POU2F2: variants seen among roughly 807,000 people sequenced by gnomAD.
POU2F2 encodes the protein POU class 2 homeobox 2, also known as POU domain, class 2, transcription factor 2.
A neutral mutation model predicts 63.5 loss-of-function variants in POU2F2; 14 were observed. The ratio of observed to expected loss-of-function variants is 0.22; its 90% CI spans 0.15 to 0.34. The LOEUF (loss-of-function observed/expected upper bound fraction) is 0.34, where lower values mean the gene tolerates loss of function less well. Among genes scored for constraint, POU2F2 ranks in the 10% least tolerant of loss-of-function variants. The pLI is 1.00. For missense variants in POU2F2, 607 were observed against 815.2 expected, an observed-to-expected ratio of 0.74 and a Z score of 3.11; for synonymous variants, 306 against 348.6, an observed-to-expected ratio of 0.88 and a Z score of 1.36.
intron 1 of POU2F2, among the ~76,000 whole-genome samples, chr19:42,167,662 C>G (rs749274040): frequency 1.9e-4 from 29 of 152,150 alleles, no homozygotes; most frequent in Admixed American, 8.5e-4. Context: ...AATAGACAGA[C>G]AGGCGCTAGC....
rs1262132544 is a variant in POU2F2 at position 42,153,101 on chromosome 19, GCA to G, written c.-9+7229_-9+7230del. On this transcript the variant is annotated intron_variant, in intron 2 of 6. Transcript: ENST00000524801. The surrounding 1 kb of genome is among the most constrained non-coding windows in gnomAD (Gnocchi z 5.6). ...TTGGCCTCACCCCAGGGTCTGGCCT[GCA>G]CATGTGTGGTTGGGGTGGGAAGCTT... is the stretch of plus-strand genomic sequence containing the variant. Among the ~76,000 whole-genome samples, 1 of 152,232 alleles carries G rather than the reference GCA, an allele frequency of 6.6e-6. No homozygotes were observed. Among genetic ancestry groups the G allele is most frequent in the Non-Finnish European group, 1.5e-5 (1 of 68,030 alleles).
In POU2F2 at chr19:42,122,551, C is replaced by G. The variant is rs1480737015; in HGVS notation, c.54G>C (p.Glu18Asp). The G allele has an allele frequency of 6.2e-7, 1 of 1,602,600 alleles. No homozygotes were observed. Among genetic ancestry groups the G allele is most frequent in the East Asian group, 2.2e-5 (1 of 44,700 alleles). The stretch of plus-strand genomic sequence containing the variant: ...GGGAGTCCAGACCTTGCTTCTCGGC[C>G]TCCAGGGGCTTAGACATTCTTATTT... ...APEIRMSKPL[E>D]AEKQGLDSPS... The change falls in exon 2 of 15, where the codon GAG (glutamate) becomes GAC (aspartate). Residue 18 changes from glutamate to aspartate, a missense_variant. Physicochemically the swap from Glu to Asp is conservative, Grantham distance 45 (BLOSUM62 2). Coordinates refer to ENST00000692977, the MANE Select transcript of POU2F2 (RefSeq NM_001394376.1).
chr19:42,156,765 C>CG lies in POU2F2; in HGVS notation c.-9+3566_-9+3567insC, dbSNP rs1020199315. On this transcript the variant is annotated intron_variant, in intron 2 of 6. Transcript: ENST00000524801. This position sits in a 1 kb window ranked among gnomAD's most constrained non-coding sequence, Gnocchi z 4.1. ...GCGCCTCCCATCCCAGGGCAGCCCCCCCGCCATACCTACACTCTTGGCCAT... is the reference window on the plus strand; with the variant it reads ...GCGCCTCCCATCCCAGGGCAGCCCCCGCCGCCATACCTACACTCTTGGCCAT... The CG allele has an allele frequency of 6.6e-6, 1 of 152,260 alleles. No individual in the cohort carries two copies. The highest frequency in any genetic ancestry group is 1.5e-5 in the Non-Finnish European group (1 of 68,088). 9.4% of individuals were successfully genotyped at this position (152,260 alleles called of 1,614,324 possible). A position where few individuals can be genotyped will look rare whatever the true frequency, so the allele number is the denominator to read the frequency against.
At position 42,092,011 on chromosome 19, in the gene POU2F2, C is replaced by T. The variant is rs2076734916; in HGVS notation, c.1466+58G>A. 5 of 1,551,448 alleles carry T rather than the reference C, an allele frequency of 3.2e-6. No individual in the cohort carries two copies. The highest frequency in any genetic ancestry group is 4.4e-6 in the Non-Finnish European group (5 of 1,147,588). ...AACATAACTGGGGTGCCGCTCCCCA[C>T]CCTAGAAGCAGCAGCGACCCTGCTT... On this transcript the variant is annotated intron_variant, in intron 13 of 14. Transcript: ENST00000692977. This position sits in a 1 kb window ranked among gnomAD's most constrained non-coding sequence, Gnocchi z 5.0.
At position 42,162,178 on chromosome 19, in the gene POU2F2, A is replaced by G. The variant is rs968192975; in HGVS notation, c.-69-1786T>C. The stretch of plus-strand genomic sequence containing the variant: ...CTTGGGCTTCCCTCCAGCAGGGCCC[A>G]CACTTGAGTCTCCCTGCCCTCTGCT... On this transcript the variant is annotated intron_variant, in intron 1 of 6. Coordinates refer to the POU2F2 transcript ENST00000524801. The surrounding 1 kb of genome is among the most constrained non-coding windows in gnomAD (Gnocchi z 4.1). Among the ~76,000 whole-genome samples, 17 of 152,102 alleles carry G rather than the reference A, an allele frequency of 1.1e-4. No homozygotes were observed. Among genetic ancestry groups the G allele is most frequent in the African/African-American group, 4.1e-4 (17 of 41,420 alleles).
intron 2 of POU2F2, among the ~76,000 whole-genome samples, chr19:42,139,200 G>A (rs2034079236): frequency 6.6e-6 from 1 of 152,126 alleles, no homozygotes; most frequent in Non-Finnish European, 1.5e-5. Context: ...CACGCCTGTA[G>A]TCCCAGCTAC....
intron 1 of POU2F2, among the ~76,000 whole-genome samples, chr19:42,164,432 G>A (rs1194622948): frequency 1.3e-5 from 2 of 151,902 alleles, no homozygotes; most frequent in Admixed American, 6.6e-5. Flanking sequence ...TTAGCTAGGC[G>A]TGGCAGCAGA....
intron 5 of POU2F2, among the ~76,000 whole-genome samples, chr19:42,115,418 C>T (rs916438620): frequency 7.9e-5 from 12 of 152,110 alleles, no homozygotes; most frequent in African/African-American, 2.4e-4. Context: ...AGTGGTTGGA[C>T]GGAGTGAGAG....
At chr19:42,144,805 C>T (rs1366645143) in intron 2 of POU2F2, among the ~76,000 whole-genome samples, 1 of 152,214 alleles carries the variant, frequency 6.6e-6, no homozygotes, top group African/African-American at 2.4e-5. Flanking sequence ...AGGACTTGCC[C>T]AGACTCAGTC....
At chr19:42,167,486 T>C (rs1170096525) in intron 1 of POU2F2, among the ~76,000 whole-genome samples, 1 of 151,736 alleles carries the variant, frequency 6.6e-6, no homozygotes. Flanking sequence ...AAGCTGCTAT[T>C]TTAAACATAA....
Position 42,099,702 on chromosome 19 carries a change from G to A in POU2F2, c.475+14C>T, listed in dbSNP as rs1392062551. The A allele has an allele frequency of 6.3e-7, 1 of 1,598,538 alleles. No homozygotes were observed. Among genetic ancestry groups the A allele is most frequent in the African/African-American group, 1.3e-5 (1 of 74,574 alleles). On this transcript the variant is annotated intron_variant, in intron 6 of 14. Coordinates refer to ENST00000692977, the MANE Select transcript of POU2F2 (RefSeq NM_001394376.1). ...TGGAGGCGTCAGGGAGGCCATCTGG[G>A]GTGGGGGCCTTACCTGGCTGGCTCT...
At chr19:42,132,798 C>T (rs534192280), upstream of POU2F2, 1 of 225,130 alleles carries the variant, frequency 4.4e-6, no homozygotes, top group Non-Finnish European at 8.7e-6. Context: ...AAACACTAGC[C>T]AGCAGCTTAT....
chr19:42,094,278 T>G (rs552888135), intron 11 of POU2F2, among the ~76,000 whole-genome samples: 1 of 152,098 alleles, frequency 6.6e-6, no homozygotes, highest in Non-Finnish European at 1.5e-5. Context: ...ACCAGTGGGG[T>G]TGGCAAGCAA....
intron 1 of POU2F2, among the ~76,000 whole-genome samples, chr19:42,131,693 C>T (rs1420501233): frequency 6.6e-6 from 1 of 152,182 alleles, no homozygotes; most frequent in East Asian, 1.9e-4. Flanking sequence ...CAAACAAACA[C>T]ATAATGAAAT....
At chr19:42,146,486 C>G (rs1451962541) in intron 2 of POU2F2, among the ~76,000 whole-genome samples, 3 of 152,246 alleles carry the variant, frequency 2.0e-5, no homozygotes, top group Non-Finnish European at 4.4e-5. Context: ...CACAACAATT[C>G]TGGGATGCAG....
chr19:42,194,623 G>C (rs1221920066), intron 1 of POU2F2, among the ~76,000 whole-genome samples: 1 of 151,692 alleles, frequency 6.6e-6, no homozygotes, highest in Non-Finnish European at 1.5e-5. Flanking sequence ...GCCGAGTATG[G>C]TGGCACATGC....
At chr19:42,193,211 C>T (rs946022963) in intron 1 of POU2F2, among the ~76,000 whole-genome samples, 2 of 140,814 alleles carry the variant, frequency 1.4e-5, no homozygotes, top group African/African-American at 5.2e-5. Context: ...GAACGAGACT[C>T]CGTCTCAAAA....
Position 42,195,330 on chromosome 19 carries a change from C to CTT in POU2F2, c.-70+1051_-70+1052dup, listed in dbSNP as rs894258162. The stretch of plus-strand genomic sequence containing the variant: ...TTCCCTTCCTTCCCTCCCTCTTTTT[C>CTT]TTTTTTTTTTTTTTTTTTTTGAGAC... On this transcript the variant is annotated intron_variant, in intron 1 of 5. Transcript: ENST00000532176. 1.6e-3 allele frequency among the ~76,000 whole-genome samples: 201 copies of CTT among 125,514 alleles called. 1 individual carries two copies. The highest frequency in any genetic ancestry group is 4.1e-3 in the Middle Eastern group (1 of 244). 82.3% of individuals were successfully genotyped at this position (125,514 alleles called of 152,430 possible).
At chr19:42,180,439 AT>A (rs2034948164), upstream of POU2F2, among the ~76,000 whole-genome samples, 1 of 152,210 alleles carries the variant, frequency 6.6e-6, no homozygotes, top group South Asian at 2.1e-4. Flanking sequence ...GCAACAAGGA[AT>A]ACTGGACCCT....
Sources: gnomAD v4.1 joint callset for allele counts (sites outside exome capture counted in the v4.1 genomes callset) on GRCh38, gnomAD v4.1.1 for gene constraint, Gnocchi (gnomAD v3.1) non-coding constraint, MANE v1.5 for transcripts, NCBI Gene and HGNC (gene_info 2026-07-23, HGNC 2026-07-21) for gene names.